PDE7B: variants seen among roughly 807,000 people sequenced by gnomAD.
The protein encoded by PDE7B is 3',5'-cyclic-AMP phosphodiesterase 7B.
PDE7B carries 29 observed loss-of-function variants against 56.2 expected under a neutral mutation model. The ratio of observed to expected loss-of-function variants is 0.52; its 90% confidence interval spans 0.38 to 0.70. PDE7B has a LOEUF of 0.70. PDE7B is among the 30% of genes least tolerant of loss of function. PDE7B has a pLI of 0.00. For synonymous variants in PDE7B, 197 were observed against 196.9 expected (o/e 1.00, Z 0.00); for missense variants, 490 against 565.0 (o/e 0.87, Z 1.35).
chr6:135,985,685 G>A (rs1487756478), intron 2 of PDE7B, among the ~76,000 whole-genome samples: 1 of 152,186 alleles, frequency 6.6e-6, no homozygotes, highest in Admixed American at 6.5e-5. Context: ...TCCTTTAGAA[G>A]GATTTGGAAT....
intron 3 of PDE7B, among the ~76,000 whole-genome samples, chr6:136,122,629 G>A (rs1777956280): frequency 6.6e-6 from 1 of 152,170 alleles, no homozygotes; most frequent in Non-Finnish European, 1.5e-5. Context: ...ATCTATAATT[G>A]TATATTGGAA....
chr6:135,964,213 C>T (rs1056434283), intron 2 of PDE7B, among the ~76,000 whole-genome samples: 1 of 151,982 alleles, frequency 6.6e-6, no homozygotes, highest in African/African-American at 2.4e-5. Context: ...AAGTGAGTCT[C>T]CTGCCTCAGC....
intron 11 of PDE7B, among the ~76,000 whole-genome samples, chr6:136,184,476 G>C (rs1779114628): frequency 6.6e-6 from 1 of 152,158 alleles, no homozygotes; most frequent in Admixed American, 6.5e-5. Context: ...AAAAAATAGA[G>C]TTCCTCAGTC....
intron 3 of PDE7B, among the ~76,000 whole-genome samples, chr6:136,124,310 G>A (rs1041319039): frequency 2.6e-5 from 4 of 151,850 alleles, no homozygotes; most frequent in African/African-American, 9.7e-5. Flanking sequence ...TTTATACACT[G>A]GGAAGAAAAA....
intron 1 of PDE7B, among the ~76,000 whole-genome samples, chr6:135,894,490 A>G (rs1332759612): frequency 6.6e-6 from 1 of 152,112 alleles, no homozygotes; most frequent in Non-Finnish European, 1.5e-5. Flanking sequence ...TATTTTTCTT[A>G]ATAGGTGATT....
At chr6:136,020,977 G>GC (rs1389226921) in intron 2 of PDE7B, among the ~76,000 whole-genome samples, 1 of 152,142 alleles carries the variant, frequency 6.6e-6, no homozygotes, top group Non-Finnish European at 1.5e-5. Context: ...TCCTACAAGT[G>GC]CAAGAGCTAC....
intron 1 of PDE7B, among the ~76,000 whole-genome samples, chr6:135,937,281 C>A (rs1774437329): frequency 1.3e-5 from 2 of 152,210 alleles, no homozygotes; most frequent in African/African-American, 2.4e-5. Flanking sequence ...GCGGGGCCTT[C>A]TTCCAGATCC....
chr6:135,937,539 C>A (rs1283449974), intron 1 of PDE7B, among the ~76,000 whole-genome samples: 1 of 152,222 alleles, frequency 6.6e-6, no homozygotes, highest in Non-Finnish European at 1.5e-5. Flanking sequence ...GCACCTCCAA[C>A]CTTCACTGAA....
At chr6:135,876,874 T>C (rs1775505463) in intron 1 of PDE7B, among the ~76,000 whole-genome samples, 1 of 151,674 alleles carries the variant, frequency 6.6e-6, no homozygotes. Context: ...AAAAAAAAAT[T>C]CCCATCCATC....
At chr6:136,161,789 T>G (rs553753266) in intron 8 of PDE7B, among the ~76,000 whole-genome samples, 125 of 152,294 alleles carry the variant, frequency 8.2e-4, no homozygotes, top group African/African-American at 3.0e-3. Flanking sequence ...GGGGTATCAA[T>G]TACTCAGTAC....
intron 1 of PDE7B, among the ~76,000 whole-genome samples, chr6:135,886,614 T>C (rs948291956): frequency 6.6e-6 from 1 of 152,190 alleles, no homozygotes; most frequent in Admixed American, 6.6e-5. Flanking sequence ...AGTGAGATTA[T>C]ATGATATTTG....
chr6:136,081,798 C>T (rs980980107), intron 2 of PDE7B, among the ~76,000 whole-genome samples: 9 of 152,136 alleles, frequency 5.9e-5, no homozygotes, highest in African/African-American at 2.2e-4. Flanking sequence ...GAGATAGAAC[C>T]CACATTCAAA....
intron 2 of PDE7B, among the ~76,000 whole-genome samples, chr6:135,989,323 C>T (rs774048961): frequency 2.6e-5 from 4 of 152,140 alleles, no homozygotes; most frequent in Non-Finnish European, 4.4e-5. Flanking sequence ...TAAAAATGTA[C>T]GTTATCAGGG....
intron 2 of PDE7B, among the ~76,000 whole-genome samples, chr6:136,006,771 A>C (rs1775792514): frequency 6.6e-6 from 1 of 152,060 alleles, no homozygotes; most frequent in South Asian, 2.1e-4. Flanking sequence ...GTATCCTGAG[A>C]TTTTGCTGAA....
chr6:136,122,279 G>A (rs1777950032), intron 3 of PDE7B, among the ~76,000 whole-genome samples: 1 of 152,022 alleles, frequency 6.6e-6, no homozygotes, highest in Non-Finnish European at 1.5e-5. Flanking sequence ...ACAGGCGTGA[G>A]CCACCACGCC....
intron 1 of PDE7B, among the ~76,000 whole-genome samples, chr6:135,927,369 G>C (rs1408322307): frequency 6.6e-6 from 1 of 152,024 alleles, no homozygotes; most frequent in Non-Finnish European, 1.5e-5. Context: ...GGGTGACTCA[G>C]GCTCTTTTTT....
rs1293665949 is a variant in PDE7B at position 136,008,537 on chromosome 6, G to A, written c.82+61013G>A. On this transcript the variant is annotated intron_variant, in intron 2 of 12. Transcript: ENST00000308191. ...TAATGATTGCCATTCTAACTAGTGT[G>A]AGATGGTATCTCATTGTGGTTTTGA... 2.6e-5 allele frequency among the ~76,000 whole-genome samples: 4 copies of A among 152,234 alleles called. No individual in the cohort carries two copies. In the East Asian group the frequency reaches 5.8e-4, roughly 22 times the overall value.
At chr6:136,055,740 G>A (rs1290230719) in intron 2 of PDE7B, among the ~76,000 whole-genome samples, 1 of 152,192 alleles carries the variant, frequency 6.6e-6, no homozygotes, top group African/African-American at 2.4e-5. Flanking sequence ...ACCTAGATCT[G>A]CAGTCCAGAC....
At chr6:136,051,318 G>C (rs1490456907) in intron 2 of PDE7B, among the ~76,000 whole-genome samples, 1 of 152,156 alleles carries the variant, frequency 6.6e-6, no homozygotes. Context: ...GTAATCATAA[G>C]ATTTCTAGCC....
Sources: allele counts gnomAD v4.1 joint callset (sites outside exome capture counted in the v4.1 genomes callset), GRCh38; gene constraint gnomAD v4.1.1; transcripts MANE v1.5; gene names NCBI Gene and HGNC (gene_info 2026-07-23, HGNC 2026-07-21).